The following SLC14A2 variants were observed in gnomAD, a reference collection of about 807,000 sequenced individuals.
The protein encoded by SLC14A2 is urea transporter 2.
In SLC14A2, 91 loss-of-function variants were observed where a neutral mutation model predicts 104.6. The observed-to-expected ratio is 0.87, with a 90% CI of 0.73 to 1.04. The LOEUF (loss-of-function observed/expected upper bound fraction) is 1.04, where lower values mean the gene tolerates loss of function less well. Ranked by LOEUF, SLC14A2 falls within the 50% of genes least tolerant of loss-of-function variation. SLC14A2 has a pLI of 0.00. For missense variants in SLC14A2, 1,189 were observed against 1,156.0 expected (o/e 1.03, Z -0.41); for synonymous variants, 476 against 466.4 (o/e 1.02, Z -0.27).
intron 1 of SLC14A2, among the ~76,000 whole-genome samples, chr18:45,238,993 G>A (rs1568116137): frequency 6.6e-6 from 1 of 152,118 alleles, no homozygotes; most frequent in Admixed American, 6.5e-5. Context: ...AGCATATGAA[G>A]GATGTCTTTA....
chr18:45,670,144 C>T (rs186128533), intron 16 of SLC14A2, among the ~76,000 whole-genome samples: 2 of 152,088 alleles, frequency 1.3e-5, no homozygotes, highest in East Asian at 3.9e-4. Context: ...AAAATCAAAT[C>T]GTTTTCTTGC....
intron 2 of SLC14A2, among the ~76,000 whole-genome samples, chr18:45,490,474 T>G (rs2087701183): frequency 6.6e-6 from 1 of 152,166 alleles, no homozygotes; most frequent in Non-Finnish European, 1.5e-5. Context: ...TCCAGATGGA[T>G]TAAAAGTTAA....
Position 45,362,537 on chromosome 18 carries a change from G to A in SLC14A2, c.-124-120696G>A, listed in dbSNP as rs542712551. Among the ~76,000 whole-genome samples, 7 of 152,282 alleles carry A rather than the reference G, an allele frequency of 4.6e-5. No individual in the cohort carries two copies. The South Asian group carries it at 1.5e-3, about 32-fold the overall frequency. On this transcript the variant is annotated intron_variant, in intron 1 of 20. Coordinates refer to the SLC14A2 transcript ENST00000586448. ...AAATCTACTAAAAATTACAGACAAA[G>A]TGACATGCCCAGAGTCACACAACTA...
intron 1 of SLC14A2, among the ~76,000 whole-genome samples, chr18:45,233,972 A>T (rs1489222731): frequency 6.6e-6 from 1 of 152,046 alleles, no homozygotes; most frequent in Non-Finnish European, 1.5e-5. Context: ...TGCAAGCTTA[A>T]TAATAGATAA....
chr18:45,600,014 C>T (rs758147856), intron 2 of SLC14A2, among the ~76,000 whole-genome samples: 4 of 151,986 alleles, frequency 2.6e-5, no homozygotes, highest in Non-Finnish European at 5.9e-5. Context: ...GGGACACAGA[C>T]AAACAATATC....
At chr18:45,401,029 G>A (rs570466649) in intron 1 of SLC14A2, among the ~76,000 whole-genome samples, 1 of 152,230 alleles carries the variant, frequency 6.6e-6, no homozygotes. Context: ...TTTTCAGTGA[G>A]CAAGGGCCTT....
intron 1 of SLC14A2, among the ~76,000 whole-genome samples, chr18:45,377,630 C>T (rs2085789148): frequency 6.6e-6 from 1 of 152,078 alleles, no homozygotes; most frequent in Admixed American, 6.6e-5. Context: ...ATCTCAGATT[C>T]ATCCCCTTCT....
At chr18:45,275,281 A>T (rs140788953) in intron 1 of SLC14A2, among the ~76,000 whole-genome samples, 14 of 152,348 alleles carry the variant, frequency 9.2e-5, no homozygotes, top group African/African-American at 3.1e-4. Context: ...CTATATCTCC[A>T]CTACATTGGA....
chr18:45,651,719 T>A (rs543954502), intron 10 of SLC14A2, among the ~76,000 whole-genome samples: 80 of 152,162 alleles, frequency 5.3e-4, no homozygotes, highest in African/African-American at 1.9e-3. Flanking sequence ...GGCCCTGAGT[T>A]CCCATGGAGG....
At chr18:45,342,393 A>C (rs373715555) in intron 1 of SLC14A2, among the ~76,000 whole-genome samples, 7 of 152,260 alleles carry the variant, frequency 4.6e-5, no homozygotes, top group Non-Finnish European at 7.4e-5. Context: ...ATTCCTTTGA[A>C]AGAAGAGACA....
intron 1 of SLC14A2, among the ~76,000 whole-genome samples, chr18:45,290,768 C>T (rs1376678564): frequency 6.6e-6 from 1 of 151,460 alleles, no homozygotes; most frequent in East Asian, 2.0e-4. Context: ...TTAATTTCAT[C>T]TGTTTATTTT....
At chr18:45,262,367 G>A (rs1026546266) in intron 1 of SLC14A2, among the ~76,000 whole-genome samples, 1 of 152,076 alleles carries the variant, frequency 6.6e-6, no homozygotes, top group Non-Finnish European at 1.5e-5. Flanking sequence ...CACTGTACAT[G>A]CTGCCCCTTG....
chr18:45,609,347 C>T (rs1234605176), intron 2 of SLC14A2, among the ~76,000 whole-genome samples: 1 of 135,730 alleles, frequency 7.4e-6, no homozygotes, highest in African/African-American at 2.7e-5. Context: ...TCTTTCATTC[C>T]TTTGTGCCAA....
chr18:45,505,821 G>A (rs1407925108), intron 2 of SLC14A2, among the ~76,000 whole-genome samples: 2 of 152,130 alleles, frequency 1.3e-5, no homozygotes, highest in Non-Finnish European at 2.9e-5. Flanking sequence ...CCGCCTACAC[G>A]TTTCACAAAG....
intron 1 of SLC14A2, among the ~76,000 whole-genome samples, chr18:45,314,619 A>C (rs897104521): frequency 1.3e-5 from 2 of 152,144 alleles, no homozygotes; most frequent in East Asian, 1.9e-4. Context: ...ATCTCCATGA[A>C]ATAAGGGGTA....
chr18:45,621,594 C>T (rs567325287), intron 1 of SLC14A2, among the ~76,000 whole-genome samples: 2 of 152,216 alleles, frequency 1.3e-5, no homozygotes, highest in African/African-American at 2.4e-5. Context: ...TCCTCCCCCC[C>T]ACCTCTTCCT....
chr18:45,294,146 T>C (rs999438280), intron 1 of SLC14A2, among the ~76,000 whole-genome samples: 5 of 152,230 alleles, frequency 3.3e-5, no homozygotes, highest in Non-Finnish European at 7.3e-5. Flanking sequence ...CTTCACATTC[T>C]TCAGAAATGT....
the SLC14A2 span, among the ~76,000 whole-genome samples, chr18:45,186,931 C>T: frequency 7.2e-5 from 11 of 152,208 alleles, no homozygotes; most frequent in Non-Finnish European, 1.2e-4. Context: ...GCAGCTGAAA[C>T]ATCACATCAC....
rs748692753 is a variant in SLC14A2, at chr18:45,641,288, C to T, written c.1071C>T (p.Ile357=). The T allele has an allele frequency of 6.2e-6, 10 of 1,614,078 alleles. No homozygotes were observed. Among genetic ancestry groups the T allele is most frequent in the East Asian group, 2.2e-5 (1 of 44,888 alleles). The change falls in exon 8 of 20, where the codon ATC becomes ATT. Residue 357 remains isoleucine (I), a synonymous_variant. Coordinates refer to ENST00000255226, the MANE Select transcript of SLC14A2 (RefSeq NM_007163.4). The part of the protein sequence containing the change: ...SYNCVLSCIA[I]GGMFYALTWQ... ...ACTGCGTCCTCTCCTGCATCGCCAT[C>T]GGAGGCATGTTCTATGCCCTCACCT... is the stretch of plus-strand genomic sequence containing the variant.
Sources: allele counts gnomAD v4.1 joint callset (sites outside exome capture counted in the v4.1 genomes callset), GRCh38; gene constraint gnomAD v4.1.1; transcripts MANE v1.5; gene names NCBI Gene and HGNC (gene_info 2026-07-23, HGNC 2026-07-21).